The following TRMT2B variants were observed in gnomAD, a reference collection of about 807,000 sequenced individuals.
TRMT2B encodes tRNA (uracil-5-)-methyltransferase homolog B.
In TRMT2B, 34 loss-of-function variants were observed where a neutral mutation model predicts 39.7. The observed-to-expected ratio is 0.86, with a 90% CI of 0.65 to 1.14. The LOEUF (loss-of-function observed/expected upper bound fraction) is 1.14, where lower values mean the gene tolerates loss of function less well. TRMT2B is among the 50% of genes most tolerant of loss of function. The probability of loss-of-function intolerance (pLI) is 0.00; values close to 1 mark genes in which losing one functional copy is unlikely to be tolerated. For synonymous variants in TRMT2B, 132 were observed against 137.3 expected (o/e 0.96, Z 0.27); for missense variants, 318 against 377.2 (o/e 0.84, Z 1.30).
At chrX:101,049,568 T>C (rs866234255) in intron 2 of TRMT2B, among the ~76,000 whole-genome samples, 3 of 68,452 alleles carry the variant, frequency 4.4e-5, no homozygotes, top group African/African-American at 1.8e-4. Flanking sequence ...CCAAGGAGGG[T>C]GGATCACTTG....
chrX:100,988,402 A>G, the TRMT2B span: 1 of 1,205,468 alleles, frequency 8.3e-7, no homozygotes, highest in Non-Finnish European at 1.1e-6. Context: ...ATTATGGTCT[A>G]AAAAGAATAT....
At chrX:100,987,570 G>A in the TRMT2B span, 17 of 1,203,546 alleles carry the variant, frequency 1.4e-5, no homozygotes, top group East Asian at 1.8e-4. Flanking sequence ...CTGAGATGCC[G>A]CTATGAGATT....
chrX:100,976,225 A>G, the TRMT2B span, among the ~76,000 whole-genome samples: 3 of 109,158 alleles, frequency 2.7e-5, no homozygotes, highest in African/African-American at 1.0e-4. Flanking sequence ...CTAGGAATCT[A>G]TATTTTAAGA....
At chrX:100,996,105 C>T in the TRMT2B span, among the ~76,000 whole-genome samples, 1 of 111,822 alleles carries the variant, frequency 8.9e-6, no homozygotes, top group Non-Finnish European at 1.9e-5. Context: ...GGGGCTGGTG[C>T]CCCATCATTT....
intron 4 of TRMT2B, among the ~76,000 whole-genome samples, chrX:101,040,868 G>A (rs1371747782): frequency 9.0e-6 from 1 of 111,571 alleles, no homozygotes; most frequent in East Asian, 2.8e-4. Context: ...CAATTTTGGA[G>A]TCAATAGCAT....
At chrX:100,986,020 C>T in the TRMT2B span, 1 of 996,289 alleles carries the variant, frequency 1.0e-6, no homozygotes, top group Non-Finnish European at 1.3e-6. Context: ...AGCTAGGCCT[C>T]CTGTTCCCTT....
intron 2 of TRMT2B, among the ~76,000 whole-genome samples, chrX:101,048,630 G>A (rs2088850593): frequency 1.8e-5 from 2 of 111,582 alleles, no homozygotes; most frequent in Admixed American, 1.9e-4. Context: ...GTAGAGACGG[G>A]GGTCTCATCA....
chrX:101,035,088 T>C (rs1026524505), intron 7 of TRMT2B, among the ~76,000 whole-genome samples: 6 of 111,454 alleles, frequency 5.4e-5, no homozygotes, highest in Non-Finnish European at 1.1e-4. Flanking sequence ...CTCATGCCTA[T>C]AATCCCAGCA....
At chrX:101,046,795 G>A (rs1402620327) in intron 2 of TRMT2B, among the ~76,000 whole-genome samples, 6 of 110,293 alleles carry the variant, frequency 5.4e-5, no homozygotes, top group Admixed American at 9.7e-5. Flanking sequence ...ATGTGGTGGC[G>A]CATGCCTGTA....
In TRMT2B at chrX:101,045,616, AAAACAAACAAACAAAC is replaced by A. The variant is rs140738955; in HGVS notation, c.-23-3320_-23-3305del. On this transcript the variant is annotated intron_variant, in intron 2 of 13. Transcript: ENST00000372936. ...GAAATCTTGTCTCTACTAAAAATAC[AAAACAAACAAACAAAC>A]AAACAAACAAAAAAAATTAGCTAGG... is the stretch of plus-strand genomic sequence containing the variant. Among the ~76,000 whole-genome samples the A allele has an allele frequency of 3.0e-5, 3 of 99,381 alleles. No individual in the cohort carries two copies. The Admixed American group carries it at 3.4e-4, about 11-fold the overall frequency. The allele number at this position is 99,381 out of a possible 115,157, so 86.3% of individuals were successfully genotyped here.
chrX:100,975,500 T>G, the TRMT2B span, among the ~76,000 whole-genome samples: 1 of 111,756 alleles, frequency 8.9e-6, no homozygotes, highest in Non-Finnish European at 1.9e-5. Context: ...AAATAATGGA[T>G]TTTTTCCTCT....
the TRMT2B span, chrX:100,986,730 G>A: frequency 2.6e-5 from 18 of 696,624 alleles, no homozygotes; most frequent in South Asian, 2.2e-4. Flanking sequence ...TTCTTTTCTC[G>A]CCTTTTGCTT....
chrX:101,011,259 T>C (rs1171982794), intron 13 of TRMT2B, among the ~76,000 whole-genome samples: 1 of 111,803 alleles, frequency 8.9e-6, no homozygotes, highest in Non-Finnish European at 1.9e-5. Context: ...CTCTATGCTA[T>C]AGCCTATTTC....
chrX:100,981,843 T>A, the TRMT2B span, among the ~76,000 whole-genome samples: 2 of 105,648 alleles, frequency 1.9e-5, no homozygotes, highest in African/African-American at 6.9e-5. Context: ...TATAACCAGG[T>A]ACTGTGATCG....
At chrX:100,982,229 G>A in the TRMT2B span, among the ~76,000 whole-genome samples, 2 of 111,184 alleles carry the variant, frequency 1.8e-5, no homozygotes, top group Non-Finnish European at 3.8e-5. Flanking sequence ...GGTAGCTCAC[G>A]CCTGTAATCC....
chrX:101,024,311 C>T (rs544712827), intron 7 of TRMT2B, among the ~76,000 whole-genome samples: 1 of 111,945 alleles, frequency 8.9e-6, no homozygotes, highest in Non-Finnish European at 1.9e-5. Context: ...GACTTGCTAG[C>T]TTCCAGACAA....
At chrX:101,044,827 G>A (rs1440266744) in intron 2 of TRMT2B, among the ~76,000 whole-genome samples, 1 of 61,818 alleles carries the variant, frequency 1.6e-5, no homozygotes, top group Non-Finnish European at 2.8e-5. Context: ...GCGACAGAGT[G>A]AAACTCGGTC....
intron 2 of TRMT2B, among the ~76,000 whole-genome samples, chrX:101,048,492 T>C (rs1028716879): frequency 9.1e-6 from 1 of 110,153 alleles, no homozygotes; most frequent in East Asian, 2.8e-4. Context: ...CAGGCTGGAG[T>C]GCAGTGGCAC....
chrX:101,010,833 A>G (rs2032427112), intron 13 of TRMT2B, 126 bp from the exon 14 acceptor site: 1 of 560,602 alleles, frequency 1.8e-6, no homozygotes, highest in Admixed American at 4.2e-5. Context: ...CTTATACAGC[A>G]TTTATCTTAT....
Sources: gnomAD v4.1 joint callset for allele counts (sites outside exome capture counted in the v4.1 genomes callset) on GRCh38, gnomAD v4.1.1 for gene constraint, MANE v1.5 for transcripts, NCBI Gene and HGNC (gene_info 2026-07-23, HGNC 2026-07-21) for gene names.